The following LRFN5 variants were observed in gnomAD, a reference collection of about 807,000 sequenced individuals.
LRFN5 encodes leucine rich repeat and fibronectin type III domain containing 5.
Under a neutral mutation model 45.6 loss-of-function variants are expected in LRFN5, and 24 were observed. That is an observed-to-expected ratio of 0.53 (90% CI 0.38 to 0.74). The LOEUF (loss-of-function observed/expected upper bound fraction) is 0.74, where lower values mean the gene tolerates loss of function less well. Among genes scored for constraint, LRFN5 ranks in the 30% least tolerant of loss-of-function variants. LRFN5 has a pLI of 0.00. For synonymous variants in LRFN5, 340 were observed against 313.8 expected (o/e 1.08, Z -0.88); for missense variants, 776 against 861.5 (o/e 0.90, Z 1.24).
intron 1 of LRFN5, among the ~76,000 whole-genome samples, chr14:41,614,064 C>T (rs1887849227): frequency 1.3e-5 from 2 of 151,984 alleles, no homozygotes; most frequent in Admixed American, 1.3e-4. Flanking sequence ...TCTCTTATCT[C>T]CTTTGGAAAT....
chr14:41,613,803 A>G (rs944798112), intron 1 of LRFN5, among the ~76,000 whole-genome samples: 9 of 152,044 alleles, frequency 5.9e-5, no homozygotes, highest in Non-Finnish European at 1.2e-4. Flanking sequence ...ATGGAAGCCT[A>G]AACAATGCTG....
chr14:41,898,295 A>G (rs951221080), intron 4 of LRFN5, among the ~76,000 whole-genome samples: 2 of 152,066 alleles, frequency 1.3e-5, no homozygotes, highest in Middle Eastern at 3.2e-3. Flanking sequence ...GGTTTATGTA[A>G]TGGTATTAAA....
intron 2 of LRFN5, among the ~76,000 whole-genome samples, chr14:41,773,408 T>C (rs1355481469): frequency 6.6e-6 from 1 of 152,202 alleles, no homozygotes; most frequent in Non-Finnish European, 1.5e-5. Context: ...TTATGTTTTT[T>C]TCTTTAGTTG....
At chr14:41,865,167 A>G (rs1455355111) in intron 2 of LRFN5, among the ~76,000 whole-genome samples, 1 of 152,112 alleles carries the variant, frequency 6.6e-6, no homozygotes, top group East Asian at 1.9e-4. Flanking sequence ...CACCATTACC[A>G]TAATCACATT....
intron 2 of LRFN5, among the ~76,000 whole-genome samples, chr14:41,872,801 GTTC>G (rs953959472): frequency 6.6e-6 from 1 of 152,162 alleles, no homozygotes; most frequent in Non-Finnish European, 1.5e-5. Context: ...TAAAAATTAG[GTTC>G]TTCTTCTAAA....
At chr14:41,622,155 T>G (rs894665431) in intron 1 of LRFN5, among the ~76,000 whole-genome samples, 1 of 149,942 alleles carries the variant, frequency 6.7e-6, no homozygotes, top group Non-Finnish European at 1.5e-5. Context: ...CTTTCAGAAA[T>G]AGTTTATCTG....
intron 2 of LRFN5, among the ~76,000 whole-genome samples, chr14:41,844,681 T>A: frequency 6.6e-6 from 1 of 152,132 alleles, no homozygotes; most frequent in East Asian, 1.9e-4. Flanking sequence ...TTTGTAGCAT[T>A]TGCCAATGTT....
chr14:41,831,832 A>G (rs1195402802), intron 2 of LRFN5, among the ~76,000 whole-genome samples: 1 of 152,076 alleles, frequency 6.6e-6, no homozygotes, highest in Non-Finnish European at 1.5e-5. Context: ...GACTTCAACA[A>G]TATGCTTTTA....
At chr14:41,889,972 TCCTGTCTCAG>T (rs1336607756) in intron 3 of LRFN5, among the ~76,000 whole-genome samples, 3 of 152,142 alleles carry the variant, frequency 2.0e-5, no homozygotes, top group Admixed American at 1.3e-4. Context: ...CAAGCAATTC[TCCTGTCTCAG>T]CCTGCCCAGT....
intron 1 of LRFN5, among the ~76,000 whole-genome samples, chr14:41,625,709 A>G (rs1888307270): frequency 6.6e-6 from 1 of 152,132 alleles, no homozygotes; most frequent in Non-Finnish European, 1.5e-5. Flanking sequence ...ATTTAACTTT[A>G]TTTGACCTAT....
intron 2 of LRFN5, among the ~76,000 whole-genome samples, chr14:41,801,464 A>G (rs1887329782): frequency 1.3e-5 from 2 of 152,208 alleles, no homozygotes; most frequent in South Asian, 4.1e-4. Flanking sequence ...AACTGCATAT[A>G]TCTTAGACAA....
In LRFN5 at chr14:41,891,699, A is replaced by T. The variant is rs752275842; in HGVS notation, c.1835A>T (p.Gln612Leu). The change falls in exon 4 of 6, where the codon CAA becomes CTA. Residue 612 changes from glutamine to leucine, a missense_variant. Coordinates refer to ENST00000298119, the MANE Select transcript of LRFN5 (RefSeq NM_152447.5). ...CCKATSDNVI[Q>L]SSETCSSQDS... ...AAAGCTACCAGTGACAATGTGATTCAATCTTCAGAAACTTGTTCGAGTCAG... is the reference window on the plus strand; with the variant it reads ...AAAGCTACCAGTGACAATGTGATTCTATCTTCAGAAACTTGTTCGAGTCAG... 46 of 1,614,098 alleles carry T rather than the reference A, an allele frequency of 2.8e-5. No homozygotes were observed. Among genetic ancestry groups the T allele is most frequent in the Middle Eastern group, 1.6e-4 (1 of 6,084 alleles).
At position 41,681,827 on chromosome 14, in the gene LRFN5, T is replaced by TCTTTATTTA. The variant is rs58384478; in HGVS notation, c.-197+73265_-197+73266insCTTTATTTA. 2.8e-4 allele frequency among the ~76,000 whole-genome samples: 39 copies of TCTTTATTTA among 141,744 alleles called. 1 individual carries two copies. The South Asian group carries it at 2.9e-3, about 11-fold the overall frequency. The allele number at this position is 141,744 out of a possible 152,430, so 93.0% of individuals were successfully genotyped here. On this transcript the variant is annotated intron_variant, in intron 1 of 5. Coordinates refer to ENST00000298119, the MANE Select transcript of LRFN5 (RefSeq NM_152447.5). ...TTATTTATTTATTTATTTATTTATT[T>TCTTTATTTA]TTTTTTTTTGTGATGGAGTCTCACT...
chr14:41,816,840 T>A (rs539671282), intron 2 of LRFN5, among the ~76,000 whole-genome samples: 1 of 152,036 alleles, frequency 6.6e-6, no homozygotes, highest in Non-Finnish European at 1.5e-5. Context: ...TCTCAGTGAT[T>A]GTGGTTTCAA....
chr14:41,737,112 G>A (rs1884473565), intron 1 of LRFN5, among the ~76,000 whole-genome samples: 9 of 152,080 alleles, frequency 5.9e-5, no homozygotes, highest in Admixed American at 5.9e-4. Context: ...ATAAAATACT[G>A]GGAAACTGAA....
At chr14:41,783,793 CATT>C (rs1356893971) in intron 2 of LRFN5, among the ~76,000 whole-genome samples, 2 of 151,996 alleles carry the variant, frequency 1.3e-5, no homozygotes, top group Non-Finnish European at 2.9e-5. Context: ...TTATAAATAT[CATT>C]ATCATGTATT....
At chr14:41,832,653 T>A (rs1888526365) in intron 2 of LRFN5, among the ~76,000 whole-genome samples, 1 of 152,150 alleles carries the variant, frequency 6.6e-6, no homozygotes, top group African/African-American at 2.4e-5. Context: ...TTATATTCGC[T>A]ATGGGTTCAC....
At chr14:41,785,236 A>G (rs1257276686) in intron 2 of LRFN5, among the ~76,000 whole-genome samples, 1 of 152,002 alleles carries the variant, frequency 6.6e-6, no homozygotes, top group Non-Finnish European at 1.5e-5. Flanking sequence ...TTTTAATTGC[A>G]GTGTTCAGAC....
intron 1 of LRFN5, among the ~76,000 whole-genome samples, chr14:41,730,929 T>A (rs1403348918): frequency 6.6e-6 from 1 of 152,076 alleles, no homozygotes; most frequent in Non-Finnish European, 1.5e-5. Context: ...AAGGTTCTCA[T>A]CTGCTCATTT....
Sources: allele counts gnomAD v4.1 joint callset (sites outside exome capture counted in the v4.1 genomes callset), GRCh38; gene constraint gnomAD v4.1.1; transcripts MANE v1.5; gene names NCBI Gene and HGNC (gene_info 2026-07-23, HGNC 2026-07-21).